COL5A2: variants seen among roughly 807,000 people sequenced by gnomAD.
COL5A2 encodes the protein collagen alpha-2(V) chain.
A neutral mutation model predicts 208.2 loss-of-function variants in COL5A2; 23 were observed. That is an observed-to-expected ratio of 0.11 (90% confidence interval 0.08 to 0.16). The LOEUF is 0.16. COL5A2 is among the 10% of genes least tolerant of loss of function. The pLI is 1.00. For missense variants in COL5A2, 1,590 were observed against 1,956.4 expected, an observed-to-expected ratio of 0.81 and a Z score of 3.53; for synonymous variants, 625 against 628.5, an observed-to-expected ratio of 0.99 and a Z score of 0.08.
At chr2:189,307,475 G>C in the COL5A2 span, among the ~76,000 whole-genome samples, 1 of 152,054 alleles carries the variant, frequency 6.6e-6, no homozygotes, top group East Asian at 1.9e-4. Flanking sequence ...TTAGACAATA[G>C]AGTCCTACCA....
chr2:189,308,769 C>A, the COL5A2 span, among the ~76,000 whole-genome samples: 1 of 152,154 alleles, frequency 6.6e-6, no homozygotes, highest in Admixed American at 6.5e-5. Context: ...GCCCTCCCTT[C>A]AGAGAGAGGG....
At chr2:189,329,874 C>G in the COL5A2 span, among the ~76,000 whole-genome samples, 2 of 149,186 alleles carry the variant, frequency 1.3e-5, no homozygotes, top group Non-Finnish European at 3.0e-5. Flanking sequence ...TCACTCTAAC[C>G]AATACAAAAA....
At chr2:189,299,276 A>G in the COL5A2 span, among the ~76,000 whole-genome samples, 1 of 152,206 alleles carries the variant, frequency 6.6e-6, no homozygotes, top group Non-Finnish European at 1.5e-5. Flanking sequence ...GACTTTAAAA[A>G]AAACAGAAGT....
intron 2 of COL5A2, among the ~76,000 whole-genome samples, chr2:189,105,113 T>C (rs1687124254): frequency 6.6e-6 from 1 of 151,674 alleles, no homozygotes; most frequent in Admixed American, 6.6e-5. Flanking sequence ...ATTGATGTAA[T>C]TTGGGGTTTT....
intron 12 of COL5A2, among the ~76,000 whole-genome samples, chr2:189,083,398 G>T (rs1686580644): frequency 6.6e-6 from 1 of 152,054 alleles, no homozygotes; most frequent in South Asian, 2.1e-4. Context: ...AGCTATGTTA[G>T]GAGAGCTGGA....
intron 11 of COL5A2, among the ~76,000 whole-genome samples, 192 bp from the exon 12 acceptor site, chr2:189,084,229 T>C (rs1157286199): frequency 1.3e-5 from 2 of 152,210 alleles, no homozygotes; most frequent in Admixed American, 1.3e-4. Flanking sequence ...CTCCATTCTA[T>C]CAAGTTAGTC....
chr2:189,262,312 T>C, the COL5A2 span, among the ~76,000 whole-genome samples: 1 of 152,048 alleles, frequency 6.6e-6, no homozygotes, highest in Non-Finnish European at 1.5e-5. Flanking sequence ...AAGCTTTTAG[T>C]TTTCTTGGTC....
At chr2:189,423,023 CAAAA>C in the COL5A2 span, among the ~76,000 whole-genome samples, 4 of 112,842 alleles carry the variant, frequency 3.5e-5, no homozygotes, top group Non-Finnish European at 3.8e-5. Flanking sequence ...AACTCTGTCT[CAAAA>C]AAAAAAAAAA....
the COL5A2 span, among the ~76,000 whole-genome samples, chr2:189,245,860 A>G: frequency 6.6e-6 from 1 of 152,194 alleles, no homozygotes; most frequent in African/African-American, 2.4e-5. Context: ...TCTTCTATTG[A>G]TGTCATTACA....
upstream of COL5A2, among the ~76,000 whole-genome samples, chr2:189,228,787 A>AG (rs1451911046): frequency 6.6e-6 from 1 of 151,908 alleles, no homozygotes; most frequent in Non-Finnish European, 1.5e-5. Context: ...TGGAAGAGAA[A>AG]GGAACACTTT....
rs1296935693 is a variant in COL5A2 at position 189,152,903 on chromosome 2, G to A, written c.97+26605C>T. Among the ~76,000 whole-genome samples the A allele has an allele frequency of 1.3e-5, 2 of 152,214 alleles. 1 individual carries two copies. Among genetic ancestry groups the A allele is most frequent in the South Asian group, 4.1e-4 (2 of 4,820 alleles). On this transcript the variant is annotated intron_variant, in intron 1 of 53. Coordinates refer to ENST00000374866, the MANE Select transcript of COL5A2 (RefSeq NM_000393.5). ...GCTTGGAACTGGTTGGTTTGGGATGGCAGTTAATAGTCTGCACTGTAAAAT... is the reference window on the plus strand; with the variant it reads ...GCTTGGAACTGGTTGGTTTGGGATGACAGTTAATAGTCTGCACTGTAAAAT...
the COL5A2 span, among the ~76,000 whole-genome samples, chr2:189,386,925 C>G: frequency 6.6e-6 from 1 of 151,568 alleles, no homozygotes; most frequent in South Asian, 2.1e-4. Context: ...GGAGATTTCT[C>G]AGCAGAAAAA....
the COL5A2 span, among the ~76,000 whole-genome samples, chr2:189,257,879 C>T: frequency 6.6e-6 from 1 of 152,150 alleles, no homozygotes; most frequent in African/African-American, 2.4e-5. Context: ...CTTTGGGAGG[C>T]CAAGTCGGGC....
chr2:189,272,383 C>T, the COL5A2 span, among the ~76,000 whole-genome samples: 2 of 151,922 alleles, frequency 1.3e-5, no homozygotes, highest in South Asian at 4.1e-4. Flanking sequence ...AAGCTGGAAA[C>T]CATCATTCTC....
At chr2:189,088,911 G>T in intron 7 of COL5A2, 139 bp from the exon 8 acceptor site, 1 of 757,344 alleles carries the variant, frequency 1.3e-6, no homozygotes, top group Non-Finnish European at 2.3e-6. Context: ...TGACTTTAAA[G>T]CCTGGAAAAA....
At chr2:189,084,101 C>T (rs1166196519) in intron 11 of COL5A2, 64 bp from the exon 12 acceptor site, 8 of 1,090,220 alleles carry the variant, frequency 7.3e-6, no homozygotes, top group Middle Eastern at 4.0e-4. Context: ...TTCTCTGAAA[C>T]TAAATGATAA....
chr2:189,063,608 T>A (rs934195757), intron 26 of COL5A2, among the ~76,000 whole-genome samples: 3 of 152,146 alleles, frequency 2.0e-5, no homozygotes, highest in African/African-American at 4.8e-5. Flanking sequence ...CAAGGGAAGA[T>A]CTTAGAATAT....
the COL5A2 span, among the ~76,000 whole-genome samples, chr2:189,434,705 C>A: frequency 6.6e-6 from 1 of 152,082 alleles, no homozygotes; most frequent in African/African-American, 2.4e-5. Flanking sequence ...AACCTTTCCA[C>A]GCTCATGGAG....
intron 1 of COL5A2, 29 bp from the exon 2 acceptor site, chr2:189,110,478 GTAATCTGAAAT>G: frequency 6.3e-7 from 1 of 1,587,160 alleles, no homozygotes; most frequent in Non-Finnish European, 8.6e-7. Flanking sequence ...GAAGAGGTTA[GTAATCTGAAAT>G]TATAGAATTG....
Sources: allele counts gnomAD v4.1 joint callset (sites outside exome capture counted in the v4.1 genomes callset), GRCh38; gene constraint gnomAD v4.1.1; transcripts MANE v1.5; gene names NCBI Gene and HGNC (gene_info 2026-07-23, HGNC 2026-07-21).